Variants in SAMD3 observed in about 807,000 individuals in gnomAD.
SAMD3 encodes the protein sterile alpha motif domain-containing protein 3.
SAMD3 carries 63 observed loss-of-function variants against 58.5 expected under a neutral mutation model. The observed-to-expected ratio is 1.08, with a 90% confidence interval of 0.88 to 1.33. SAMD3 has a LOEUF of 1.33. Ranked by LOEUF, SAMD3 falls within the 40% of genes most tolerant of loss-of-function variation. The probability of loss-of-function intolerance (pLI) is 0.00; values close to 1 mark genes in which losing one functional copy is unlikely to be tolerated. For synonymous variants in SAMD3, 220 were observed against 210.3 expected, an observed-to-expected ratio of 1.05 and a Z score of -0.40; for missense variants, 604 against 608.4, an observed-to-expected ratio of 0.99 and a Z score of 0.08.
intron 5 of SAMD3, among the ~76,000 whole-genome samples, chr6:130,193,912 C>A (rs990176148): frequency 4.6e-5 from 7 of 152,074 alleles, no homozygotes; most frequent in African/African-American, 1.7e-4. Flanking sequence ...CCTTCTTTCC[C>A]TCCCTCCTGT....
In SAMD3 at chr6:130,145,435, A is replaced by G. The variant is rs772976001; in HGVS notation, c.1196-13T>C. On this transcript the variant is annotated splice_polypyrimidine_tract_variant and intron_variant, in intron 10 of 11. Coordinates refer to ENST00000439090, the MANE Select transcript of SAMD3 (RefSeq NM_001017373.4). ...GTCATCTTCATGTCTGTCAAAGCAA[A>G]TATGTTAACATGTGAAGTAAAAATA... The G allele has an allele frequency of 6.4e-7, 1 of 1,571,710 alleles. No homozygotes were observed. The highest frequency in any genetic ancestry group is 8.7e-7 in the Non-Finnish European group (1 of 1,144,046).
intron 2 of SAMD3, among the ~76,000 whole-genome samples, chr6:130,230,283 A>G (rs1261689622): frequency 6.6e-6 from 1 of 152,218 alleles, no homozygotes; most frequent in Non-Finnish European, 1.5e-5. Context: ...ACCCAGCAGT[A>G]ACAGCTGGGC....
chr6:130,325,282 G>A (rs965904146), intron 1 of SAMD3, among the ~76,000 whole-genome samples: 1 of 152,176 alleles, frequency 6.6e-6, no homozygotes, highest in African/African-American at 2.4e-5. Context: ...TGCAAGGAGA[G>A]CTAAGGAAGC....
In SAMD3 at chr6:130,322,357, G is replaced by C. The variant is rs1388302553; in HGVS notation, c.-303-9264C>G. 5.9e-5 allele frequency among the ~76,000 whole-genome samples: 9 copies of C among 152,304 alleles called. No homozygotes were observed. The East Asian group carries it at 1.7e-3, about 29-fold the overall frequency. On this transcript the variant is annotated intron_variant, in intron 1 of 13. Coordinates refer to the SAMD3 transcript ENST00000368134. ...GGCTGGAGTGGAAGGCTGGGAATCA[G>C]GCATTTTCTCATAGATTGTAGGACG...
intron 2 of SAMD3, among the ~76,000 whole-genome samples, chr6:130,311,627 G>C (rs1253462586): frequency 6.6e-6 from 1 of 152,200 alleles, no homozygotes; most frequent in Non-Finnish European, 1.5e-5. Context: ...AAGTTTAAGA[G>C]GCCAGTGCAG....
intron 2 of SAMD3, among the ~76,000 whole-genome samples, chr6:130,254,515 G>A (rs1269907555): frequency 6.6e-6 from 1 of 151,760 alleles, no homozygotes; most frequent in Non-Finnish European, 1.5e-5. Flanking sequence ...TTTTAGTAGA[G>A]ATAAGGTTTT....
intron 9 of SAMD3, among the ~76,000 whole-genome samples, chr6:130,153,785 C>T (rs933994803): frequency 3.3e-5 from 5 of 151,692 alleles, no homozygotes; most frequent in Admixed American, 2.0e-4. Context: ...AGGTGATCCT[C>T]GTGCCTTAGC....
intron 5 of SAMD3, among the ~76,000 whole-genome samples, chr6:130,198,848 G>C (rs1410333989): frequency 6.6e-6 from 1 of 152,120 alleles, no homozygotes; most frequent in Non-Finnish European, 1.5e-5. Flanking sequence ...GGCTTCAGTT[G>C]CACCCCATGT....
chr6:130,147,400 C>T (rs1788731133), intron 9 of SAMD3, among the ~76,000 whole-genome samples: 1 of 152,176 alleles, frequency 6.6e-6, no homozygotes, highest in Admixed American at 6.5e-5. Flanking sequence ...GTTAGAAAAC[C>T]GTTTTCTCAG....
At chr6:130,299,058 C>T (rs1386545913) in intron 2 of SAMD3, among the ~76,000 whole-genome samples, 1 of 152,074 alleles carries the variant, frequency 6.6e-6, no homozygotes, top group Non-Finnish European at 1.5e-5. Flanking sequence ...ATCACTGTGG[C>T]AGAAAACTAA....
intron 5 of SAMD3, among the ~76,000 whole-genome samples, chr6:130,191,949 T>C (rs1467867415): frequency 6.6e-6 from 1 of 152,214 alleles, no homozygotes; most frequent in Non-Finnish European, 1.5e-5. Flanking sequence ...GTGTTAGCAG[T>C]TTCTTCGCTT....
chr6:130,364,133 T>C (rs577086328), intron 1 of SAMD3, among the ~76,000 whole-genome samples: 30 of 152,324 alleles, frequency 2.0e-4, no homozygotes, highest in African/African-American at 6.7e-4. Context: ...GAAATCTAAA[T>C]AATTCCCTTT....
rs159877 is a variant in SAMD3 at position 130,365,401 on chromosome 6, G to T, written c.-585C>A. 1.2e-5 allele frequency: 12 copies of T among 985,480 alleles called. No homozygotes were observed. In the East Asian group the frequency reaches 3.4e-4, roughly 28 times the overall value. 61.0% of individuals were successfully genotyped at this position (985,480 alleles called of 1,614,324 possible). On this transcript the variant is annotated 5_prime_UTR_variant, in exon 1 of 14. Transcript: ENST00000368134. ...TGCCGGGCCGGCGGGAAGCGTGGAC[G>T]GAGCGGGCCTTGGCCGCGTCTTTTC...
At chr6:130,360,320 T>C (rs6906178) in intron 1 of SAMD3, among the ~76,000 whole-genome samples, 74,021 of 152,122 alleles carry the variant, frequency 0.49, 22,086 homozygotes, top group African/African-American at 0.85. Flanking sequence ...CCAATAGTCA[T>C]GTAGGTCCTT....
intron 1 of SAMD3, among the ~76,000 whole-genome samples, chr6:130,325,084 C>T (rs1424489338): frequency 6.6e-6 from 1 of 152,090 alleles, no homozygotes; most frequent in Admixed American, 6.6e-5. Context: ...TAAACAAGAG[C>T]TCTATCGAGC....
In SAMD3 at chr6:130,215,207, GA is replaced by G; in HGVS notation, c.66del (p.His23IlefsTer8). 1 of 1,593,804 alleles carries G rather than the reference GA, an allele frequency of 6.3e-7. No individual in the cohort carries two copies. The highest frequency in any genetic ancestry group is 8.6e-7 in the Non-Finnish European group (1 of 1,162,506). ...WLVEKNLGEL[V>X]HRFQEEEVSG... ...ATAAACAACTCACCTTGAAATCTAT[GA>G]ACTAGCTCTCCTAAATTTTTCTCCA... On this transcript the variant is annotated frameshift_variant, in exon 3 of 12. Coordinates refer to ENST00000439090, the MANE Select transcript of SAMD3 (RefSeq NM_001017373.4). LOFTEE classifies it high-confidence loss of function.
intron 2 of SAMD3, among the ~76,000 whole-genome samples, chr6:130,274,149 T>G (rs540198980): frequency 6.6e-6 from 1 of 152,308 alleles, no homozygotes; most frequent in South Asian, 2.1e-4. Context: ...ACAGTTTTGC[T>G]GGGTATCGTA....
intron 8 of SAMD3, among the ~76,000 whole-genome samples, chr6:130,165,384 A>C (rs1790637989): frequency 6.6e-6 from 1 of 152,160 alleles, no homozygotes; most frequent in African/African-American, 2.4e-5. Context: ...AAAACAAAAC[A>C]AAACAAAAAC....
chr6:130,361,788 T>C (rs1380433496), intron 1 of SAMD3, among the ~76,000 whole-genome samples: 3 of 152,234 alleles, frequency 2.0e-5, no homozygotes, highest in Non-Finnish European at 1.5e-5. Flanking sequence ...TGTCTGAGAA[T>C]GTTATGCTGA....
Sources: allele counts gnomAD v4.1 joint callset (sites outside exome capture counted in the v4.1 genomes callset), GRCh38; gene constraint gnomAD v4.1.1; transcripts MANE v1.5; gene names NCBI Gene and HGNC (gene_info 2026-07-23, HGNC 2026-07-21).